The following LTBP1 variants were observed in gnomAD, a reference collection of about 807,000 sequenced individuals.
The protein encoded by LTBP1 is latent-transforming growth factor beta-binding protein 1.
Under a neutral mutation model 207.6 loss-of-function variants are expected in LTBP1, and 129 were observed. The observed-to-expected ratio is 0.62, with a 90% CI of 0.54 to 0.72. LTBP1 has a LOEUF of 0.72. Among genes scored for constraint, LTBP1 ranks in the 30% least tolerant of loss-of-function variants. The pLI, the probability that LTBP1 is intolerant of heterozygous loss-of-function variation, is 0.00. For synonymous variants in LTBP1, 963 were observed against 833.7 expected, an observed-to-expected ratio of 1.16 and a Z score of -2.67; for missense variants, 2,281 against 2,217.2, an observed-to-expected ratio of 1.03 and a Z score of -0.58.
Position 33,110,618 on chromosome 2 carries a change from C to T in LTBP1, c.900C>T (p.His300=). Residue 300 remains histidine, a synonymous_variant, in exon 4 of 34, where the codon CAC becomes CAT. Transcript: ENST00000404816. ...TTTCTTCCCAGAGTGTGGTGATTCA[C>T]CATGGCCAGACCCAGGAATACGTGC... is the stretch of plus-strand genomic sequence containing the variant. ...TPLSSQSVVI[H]HGQTQEYVLK... is the part of the protein sequence containing the mutation. The T allele has an allele frequency of 6.2e-7, 1 of 1,614,128 alleles. No individual in the cohort carries two copies.
At position 33,293,190 on chromosome 2, in the gene LTBP1, G is replaced by C; in HGVS notation, c.3143G>C (p.Cys1048Ser). 1 of 1,614,040 alleles carries C rather than the reference G, an allele frequency of 6.2e-7. No homozygotes were observed. Among genetic ancestry groups the C allele is most frequent in the Non-Finnish European group, 8.5e-7 (1 of 1,179,972 alleles). The change falls in exon 20 of 34, where the codon TGC (cysteine) becomes TCC (serine). Residue 1048 changes from cysteine to serine, a missense_variant. This residue lies in a region of LTBP1 where 1,671 missense variants were observed against 1,634.8 expected (regional missense o/e 1.02). Transcript: ENST00000404816. ...GACGAGTGCCTGGAACCAAACGTCT[G>C]CGCAAATGGTGATTGTTCCAACCTT... Reference protein sequence around the residue: ...DVDECLEPNVCANGDCSNLEG... With the variant: ...DVDECLEPNVSANGDCSNLEG...
chr2:33,208,885 T>A (rs1418224407), intron 7 of LTBP1, among the ~76,000 whole-genome samples: 1 of 147,094 alleles, frequency 6.8e-6, no homozygotes, highest in Non-Finnish European at 1.5e-5. Flanking sequence ...TTTTTTTTTT[T>A]GAGATGGAGT....
At chr2:33,270,825 C>A (rs886990013) in intron 15 of LTBP1, among the ~76,000 whole-genome samples, 1 of 152,166 alleles carries the variant, frequency 6.6e-6, no homozygotes, top group African/African-American at 2.4e-5. Context: ...CAGACATGTT[C>A]AGCGTTTGCA....
chr2:33,180,155 C>G (rs2086472124), intron 5 of LTBP1, among the ~76,000 whole-genome samples: 1 of 152,196 alleles, frequency 6.6e-6, no homozygotes, highest in Non-Finnish European at 1.5e-5. Context: ...CTGGATCACC[C>G]TAACTCTGGT....
intron 31 of LTBP1, among the ~76,000 whole-genome samples, chr2:33,382,072 T>C (rs1039506238): frequency 7.8e-6 from 1 of 127,434 alleles, no homozygotes. Flanking sequence ...GCCCTACTGC[T>C]TCTTTTTTTT....
At position 33,397,209 on chromosome 2, in the gene LTBP1, G is replaced by A. The variant is rs1338450453; in HGVS notation, c.4911G>A (p.Val1637=). 1.2e-6 allele frequency: 2 copies of A among 1,614,190 alleles called. No individual in the cohort carries two copies. The highest frequency in any genetic ancestry group is 1.7e-6 in the Non-Finnish European group (2 of 1,180,016). Residue 1637 remains valine, a synonymous_variant, in exon 33 of 34, where the codon GTG becomes GTA. Coordinates refer to ENST00000404816, the MANE Select transcript of LTBP1 (RefSeq NM_206943.4). The stretch of plus-strand genomic sequence containing the variant: ...ATGGATGTGAAAATGGTCGCTGTGT[G>A]AGGGTCCAGGAAGGTTACACCTGCG... ...ILNGCENGRC[V]RVQEGYTCDC... is the part of the protein sequence containing the mutation.
chr2:33,238,826 A>G (rs991779314), intron 9 of LTBP1, among the ~76,000 whole-genome samples: 1 of 152,190 alleles, frequency 6.6e-6, no homozygotes, highest in African/African-American at 2.4e-5. Flanking sequence ...TAGAAATGTA[A>G]AGAATCCTGA....
intron 20 of LTBP1, 36 bp downstream of exon 20, chr2:33,293,318 A>G (rs748975743): frequency 6.3e-7 from 1 of 1,575,346 alleles, no homozygotes; most frequent in Non-Finnish European, 8.6e-7. Context: ...TTTTTATTTA[A>G]ACTTCATTTA....
intron 3 of LTBP1, among the ~76,000 whole-genome samples, chr2:33,057,668 C>T (rs1211548289): frequency 2.0e-5 from 3 of 152,256 alleles, no homozygotes; most frequent in South Asian, 4.1e-4. Context: ...GCTGCTGGCC[C>T]AGGTGCTAAG....
At chr2:33,325,551 C>T (rs1047142939) in intron 24 of LTBP1, among the ~76,000 whole-genome samples, 1 of 152,072 alleles carries the variant, frequency 6.6e-6, no homozygotes, top group Non-Finnish European at 1.5e-5. Context: ...GATATAAATA[C>T]GTAAAACTAT....
At chr2:33,142,045 C>T (rs1215137821) in intron 5 of LTBP1, among the ~76,000 whole-genome samples, 1 of 151,888 alleles carries the variant, frequency 6.6e-6, no homozygotes, top group Admixed American at 6.6e-5. Context: ...AAAGTAGTGT[C>T]ACCTTTCTTC....
chr2:33,261,925 C>T (rs2093023147), intron 13 of LTBP1, among the ~76,000 whole-genome samples: 1 of 152,158 alleles, frequency 6.6e-6, no homozygotes, highest in African/African-American at 2.4e-5. Flanking sequence ...CCAAGTAACT[C>T]GATGAGTACT....
intron 31 of LTBP1, among the ~76,000 whole-genome samples, chr2:33,380,724 G>A (rs576900773): frequency 6.6e-6 from 1 of 151,870 alleles, no homozygotes; most frequent in South Asian, 2.1e-4. Flanking sequence ...TGTATTTTTT[G>A]TTTCTCTTGA....
At chr2:32,976,911 G>T (rs1397826695) in intron 2 of LTBP1, among the ~76,000 whole-genome samples, 4 of 152,198 alleles carry the variant, frequency 2.6e-5, no homozygotes, top group African/African-American at 9.6e-5. Context: ...CTAATGTTCT[G>T]TCTGGGTGCT....
chr2:33,290,493 A>G (rs917034453), intron 19 of LTBP1, among the ~76,000 whole-genome samples: 1 of 152,214 alleles, frequency 6.6e-6, no homozygotes, highest in Non-Finnish European at 1.5e-5. Context: ...AGCCAACACC[A>G]TTTATCAGAT....
chr2:33,343,982 A>G (rs2094667037), intron 25 of LTBP1, among the ~76,000 whole-genome samples: 1 of 152,216 alleles, frequency 6.6e-6, no homozygotes, highest in Admixed American at 6.5e-5. Flanking sequence ...TGTTCACTAC[A>G]TGGCAGGTGG....
chr2:33,120,021 G>A (rs985368197), intron 4 of LTBP1, among the ~76,000 whole-genome samples: 1 of 152,152 alleles, frequency 6.6e-6, no homozygotes, highest in African/African-American at 2.4e-5. Flanking sequence ...GGAAGTAGAA[G>A]TTAATACATG....
chr2:32,958,158 C>T (rs1572818099), intron 2 of LTBP1, among the ~76,000 whole-genome samples: 1 of 151,984 alleles, frequency 6.6e-6, no homozygotes, highest in African/African-American at 2.4e-5. Flanking sequence ...TGTGTAATCT[C>T]GGACAGTCAA....
At chr2:33,249,646 C>A (rs3769529) in intron 10 of LTBP1, among the ~76,000 whole-genome samples, 3,758 of 152,092 alleles carry the variant, frequency 0.025, 147 homozygotes, top group East Asian at 0.15. Flanking sequence ...TGTCTGTAGC[C>A]AAGAGCAAAA....
Sources: allele counts gnomAD v4.1 joint callset (sites outside exome capture counted in the v4.1 genomes callset), GRCh38; gene constraint gnomAD v4.1.1; regional missense constraint gnomAD v4.1.1; transcripts MANE v1.5; gene names NCBI Gene and HGNC (gene_info 2026-07-23, HGNC 2026-07-21).